Variants in KIF18A observed in about 807,000 individuals in gnomAD.
KIF18A encodes the protein kinesin family member 18A, also known as kinesin-like protein KIF18A.
A neutral mutation model predicts 103.3 loss-of-function variants in KIF18A; 67 were observed. That is an observed-to-expected ratio of 0.65 (90% CI 0.53 to 0.79). The LOEUF (loss-of-function observed/expected upper bound fraction) is 0.79, where lower values mean the gene tolerates loss of function less well. Ranked by LOEUF, KIF18A falls within the 30% of genes least tolerant of loss-of-function variation. KIF18A has a pLI of 0.00. For missense variants in KIF18A, 1,032 were observed against 1,062.5 expected, an observed-to-expected ratio of 0.97 and a Z score of 0.40; for synonymous variants, 367 against 355.5, an observed-to-expected ratio of 1.03 and a Z score of -0.36.
At chr11:28,075,727 T>C (rs1851081816) in intron 10 of KIF18A, among the ~76,000 whole-genome samples, 1 of 152,148 alleles carries the variant, frequency 6.6e-6, no homozygotes. Flanking sequence ...ATTTTGAAAG[T>C]TGAATTTATT....
At chr11:28,057,350 C>T (rs140465627) in intron 13 of KIF18A, among the ~76,000 whole-genome samples, 1,632 of 152,098 alleles carry the variant, frequency 0.011, 26 homozygotes, top group Non-Finnish European at 0.012. Flanking sequence ...TCTGTCTCTA[C>T]TAAAAATGCA....
At chr11:28,102,209 G>GCT (rs1165960954) in intron 1 of KIF18A, among the ~76,000 whole-genome samples, 1 of 151,786 alleles carries the variant, frequency 6.6e-6, no homozygotes, top group African/African-American at 2.4e-5. Flanking sequence ...TTTACAACCT[G>GCT]CTCTCTCTCT....
chr11:28,091,176 A>G (rs1208499853), intron 4 of KIF18A, among the ~76,000 whole-genome samples: 1 of 152,176 alleles, frequency 6.6e-6, no homozygotes. Context: ...ATACATACAT[A>G]CATACATACG....
chr11:28,087,840 G>C (rs1851248382), intron 6 of KIF18A, among the ~76,000 whole-genome samples: 1 of 152,112 alleles, frequency 6.6e-6, no homozygotes, highest in South Asian at 2.1e-4. Context: ...AATGACTAAT[G>C]ATGAGCTTTT....
chr11:28,053,186 G>T (rs1850733418), intron 13 of KIF18A, among the ~76,000 whole-genome samples: 1 of 152,082 alleles, frequency 6.6e-6, no homozygotes, highest in East Asian at 1.9e-4. Flanking sequence ...TGAGACAATG[G>T]GGGAAATTTG....
At chr11:28,052,738 A>G (rs550122075) in intron 13 of KIF18A, among the ~76,000 whole-genome samples, 1 of 152,078 alleles carries the variant, frequency 6.6e-6, no homozygotes, top group Non-Finnish European at 1.5e-5. Flanking sequence ...AGGGTGGTGG[A>G]GTTTGTTTCA....
intron 6 of KIF18A, among the ~76,000 whole-genome samples, chr11:28,088,174 T>C (rs1308310638): frequency 6.6e-6 from 1 of 152,128 alleles, no homozygotes; most frequent in Non-Finnish European, 1.5e-5. Flanking sequence ...AAAATATGGT[T>C]AGTTTGTCTT....
rs1159955180 is a variant in KIF18A, at chr11:28,088,468, T to C, written c.897+56A>G. On this transcript the variant is annotated intron_variant, in intron 6 of 16. Coordinates refer to ENST00000263181, the MANE Select transcript of KIF18A (RefSeq NM_031217.4). The stretch of plus-strand genomic sequence containing the variant: ...AAACAAAATCATATTAAATAGTATC[T>C]TTCTTATCTATTTCAATATTTCAAA... The C allele has an allele frequency of 3.6e-6, 5 of 1,375,922 alleles. No homozygotes were observed. The African/African-American group carries it at 4.3e-5, about 12-fold the overall frequency. The allele number at this position is 1,375,922 out of a possible 1,614,324, so 85.2% of individuals were successfully genotyped here.
intron 9 of KIF18A, among the ~76,000 whole-genome samples, chr11:28,081,032 T>C (rs1373201669): frequency 1.3e-5 from 2 of 152,180 alleles, no homozygotes; most frequent in Admixed American, 6.6e-5. Flanking sequence ...GCCTTCTAAA[T>C]CTGTTCAATT....
chr11:28,091,899 T>C (rs894414294), intron 3 of KIF18A, among the ~76,000 whole-genome samples: 1 of 152,154 alleles, frequency 6.6e-6, no homozygotes, highest in Admixed American at 6.5e-5. Context: ...CACTGCAAGC[T>C]CCGCCTCCCG....
rs1338515668 is a variant in KIF18A at position 28,084,876 on chromosome 11, C to A, written c.898-68G>T. 24 of 1,236,630 alleles carry A rather than the reference C, an allele frequency of 1.9e-5. No individual in the cohort carries two copies. In the South Asian group the frequency reaches 3.1e-4, roughly 16 times the overall value. 76.6% of individuals were successfully genotyped at this position (1,236,630 alleles called of 1,614,324 possible). ...AAATGCAAACCTGCTACCACTTTAG[C>A]ACTTCACTGTGGGGGGAGGATTACC... On this transcript the variant is annotated intron_variant, in intron 6 of 16. Transcript: ENST00000263181.
intron 9 of KIF18A, among the ~76,000 whole-genome samples, chr11:28,079,513 T>G (rs915438961): frequency 1.3e-5 from 2 of 152,114 alleles, no homozygotes; most frequent in African/African-American, 4.8e-5. Context: ...AAGCCACTTT[T>G]GACTATAATC....
At chr11:28,081,028 T>C (rs148088862) in intron 9 of KIF18A, among the ~76,000 whole-genome samples, 9 of 152,342 alleles carry the variant, frequency 5.9e-5, no homozygotes, top group African/African-American at 2.2e-4. Context: ...GCAAGCCTTC[T>C]AAATCTGTTC....
At chr11:28,073,238 C>T (rs1851043827) in intron 10 of KIF18A, among the ~76,000 whole-genome samples, 1 of 152,018 alleles carries the variant, frequency 6.6e-6, no homozygotes, top group Non-Finnish European at 1.5e-5. Context: ...TGGGAATTGG[C>T]ACGAAGTTTT....
intron 13 of KIF18A, among the ~76,000 whole-genome samples, chr11:28,053,819 T>G (rs1021250300): frequency 6.6e-6 from 1 of 152,082 alleles, no homozygotes; most frequent in Admixed American, 6.6e-5. Context: ...AGTTAGGTGT[T>G]GGGCACATGG....
At chr11:28,085,561 G>A (rs572065200) in intron 6 of KIF18A, among the ~76,000 whole-genome samples, 1 of 152,180 alleles carries the variant, frequency 6.6e-6, no homozygotes, top group Non-Finnish European at 1.5e-5. Flanking sequence ...CTCTGTTATC[G>A]GCTACCTAAG....
At chr11:28,092,957 C>T (rs897291624) in intron 3 of KIF18A, among the ~76,000 whole-genome samples, 1 of 152,170 alleles carries the variant, frequency 6.6e-6, no homozygotes, top group African/African-American at 2.4e-5. Context: ...ATGTATGACA[C>T]TCACCAAGGA....
chr11:28,048,173 C>T (rs1850664037), intron 13 of KIF18A, among the ~76,000 whole-genome samples: 1 of 152,092 alleles, frequency 6.6e-6, no homozygotes, highest in Non-Finnish European at 1.5e-5. Flanking sequence ...GTAGACTACA[C>T]TTATAATAGT....
chr11:28,050,749 G>C (rs1022324306), intron 13 of KIF18A, among the ~76,000 whole-genome samples: 1 of 151,590 alleles, frequency 6.6e-6, no homozygotes, highest in Non-Finnish European at 1.5e-5. Context: ...CAGCACCCCC[G>C]TCTTGCACTA....
Sources: allele counts gnomAD v4.1 joint callset (sites outside exome capture counted in the v4.1 genomes callset), GRCh38; gene constraint gnomAD v4.1.1; transcripts MANE v1.5; gene names NCBI Gene and HGNC (gene_info 2026-07-23, HGNC 2026-07-21).